The following CD226 variants were observed in gnomAD, a reference collection of about 807,000 sequenced individuals.
CD226 encodes the protein CD226 molecule.
In CD226, 24 loss-of-function variants were observed where a neutral mutation model predicts 34.9. The ratio of observed to expected loss-of-function variants is 0.69; its 90% CI spans 0.50 to 0.97. CD226 has a LOEUF of 0.97. Among genes scored for constraint, CD226 ranks in the 50% least tolerant of loss-of-function variants. The pLI is 0.00. For missense variants in CD226, 397 were observed against 412.7 expected (o/e 0.96, Z 0.33); for synonymous variants, 148 against 147.4 (o/e 1.00, Z -0.03).
chr18:69,890,492 TAA>T (rs1984829452), intron 3 of CD226, among the ~76,000 whole-genome samples: 1 of 152,096 alleles, frequency 6.6e-6, no homozygotes, highest in African/African-American at 2.4e-5. Context: ...AGATGGAAGT[TAA>T]TAAGTCACTC....
intron 2 of CD226, among the ~76,000 whole-genome samples, chr18:69,904,883 G>C (rs1010527336): frequency 2.6e-5 from 4 of 152,206 alleles, no homozygotes; most frequent in African/African-American, 4.8e-5. Context: ...GACATCAAGA[G>C]ATTAACACCA....
In CD226 at chr18:69,913,557, A is replaced by T. The variant is rs570451416; in HGVS notation, c.383-17512T>A. The stretch of plus-strand genomic sequence containing the variant: ...TATGCATTACATGTGAACATTATTT[A>T]AAAAAAATAGATCATCTTAGAGCAA... On this transcript the variant is annotated intron_variant, in intron 2 of 5. Coordinates refer to ENST00000582621, the MANE Select transcript of CD226 (RefSeq NM_001303618.2). Among the ~76,000 whole-genome samples the T allele has an allele frequency of 2.3e-3, 348 of 149,838 alleles. 1 individual carries two copies. Among genetic ancestry groups the T allele is most frequent in the African/African-American group, 8.5e-3 (333 of 39,332 alleles).
intron 2 of CD226, among the ~76,000 whole-genome samples, chr18:69,901,570 T>C (rs2055183396): frequency 6.6e-6 from 1 of 152,126 alleles, no homozygotes; most frequent in South Asian, 2.1e-4. Context: ...GAAACTTCCA[T>C]TAAAAAAGCT....
chr18:69,915,835 T>A (rs2055379213), intron 2 of CD226, among the ~76,000 whole-genome samples: 1 of 152,156 alleles, frequency 6.6e-6, no homozygotes, highest in Non-Finnish European at 1.5e-5. Flanking sequence ...TGTCTTGGAA[T>A]TACATTTTTC....
At chr18:69,901,584 A>T (rs900288991) in intron 2 of CD226, among the ~76,000 whole-genome samples, 1 of 151,872 alleles carries the variant, frequency 6.6e-6, no homozygotes, top group Non-Finnish European at 1.5e-5. Context: ...AAAAGCTTTA[A>T]AAGTATTTAT....
At chr18:69,900,679 C>A (rs2055168333) in intron 2 of CD226, among the ~76,000 whole-genome samples, 1 of 147,062 alleles carries the variant, frequency 6.8e-6, no homozygotes, top group Non-Finnish European at 1.5e-5. Flanking sequence ...TTGCAGTGAG[C>A]CGAGATTGCG....
chr18:69,868,130 T>A (rs1410016195), intron 4 of CD226, among the ~76,000 whole-genome samples: 1 of 152,136 alleles, frequency 6.6e-6, no homozygotes, highest in Admixed American at 6.5e-5. Context: ...ACCAGGGGAA[T>A]CATAGAAGAG....
intron 2 of CD226, among the ~76,000 whole-genome samples, chr18:69,919,400 C>G (rs2145305501): frequency 6.6e-6 from 1 of 152,196 alleles, no homozygotes; most frequent in East Asian, 1.9e-4. Context: ...AAAATATTGT[C>G]AAAAGAAGTC....
At chr18:69,908,095 G>GACTT in intron 2 of CD226, among the ~76,000 whole-genome samples, 1 of 152,176 alleles carries the variant, frequency 6.6e-6, no homozygotes, top group Non-Finnish European at 1.5e-5. Context: ...TCTCTCCCAG[G>GACTT]ACTTACCCAC....
chr18:69,891,066 G>GA lies in CD226; in HGVS notation c.727+4634dup, dbSNP rs1030341283. 2.1e-5 allele frequency among the ~76,000 whole-genome samples: 3 copies of GA among 142,676 alleles called. No homozygotes were observed. The East Asian group carries it at 6.1e-4, about 29-fold the overall frequency. The allele number at this position is 142,676 out of a possible 152,430, so 93.6% of individuals were successfully genotyped here. ...GCTGACATCCCTAATGAACACAGAT[G>GA]AAAAAATCCTCAACAAAATACTAGC... On this transcript the variant is annotated intron_variant, in intron 3 of 5. Transcript: ENST00000582621.
In CD226 at chr18:69,893,507, T is replaced by A. The variant is rs1290286411; in HGVS notation, c.727+2194A>T. ...CATATAATGGGCAAAATCTTATACG[T>A]GTTTGAAAATGATTCTTTATGACAC... is the stretch of plus-strand genomic sequence containing the variant. On this transcript the variant is annotated intron_variant, in intron 3 of 5. Coordinates refer to ENST00000582621, the MANE Select transcript of CD226 (RefSeq NM_001303618.2). Among the ~76,000 whole-genome samples the A allele has an allele frequency of 2.0e-5, 3 of 152,246 alleles. No individual in the cohort carries two copies. In the East Asian group the frequency reaches 5.8e-4, roughly 29 times the overall value.
At chr18:69,911,410 A>G (rs1481594218) in intron 2 of CD226, among the ~76,000 whole-genome samples, 2 of 152,362 alleles carry the variant, frequency 1.3e-5, no homozygotes, top group East Asian at 3.9e-4. Flanking sequence ...AGCCCTGGGA[A>G]CTGCCTTCTT....
At chr18:69,872,830 C>T (rs1025177038) in intron 4 of CD226, among the ~76,000 whole-genome samples, 8 of 152,154 alleles carry the variant, frequency 5.3e-5, no homozygotes, top group South Asian at 2.1e-4. Flanking sequence ...ATCCATCTCG[C>T]GCTGTGTCAT....
At chr18:69,950,363 T>C (rs971914995), upstream of CD226, among the ~76,000 whole-genome samples, 1 of 152,192 alleles carries the variant, frequency 6.6e-6, no homozygotes, top group East Asian at 1.9e-4. Flanking sequence ...AAAAACTTTT[T>C]CATGCCCCCA....
At chr18:69,924,176 T>C (rs2055491476) in intron 2 of CD226, among the ~76,000 whole-genome samples, 2 of 150,872 alleles carry the variant, frequency 1.3e-5, no homozygotes, top group South Asian at 2.1e-4. Flanking sequence ...ATGAGACAGA[T>C]GGAAAAATTA....
intron 2 of CD226, among the ~76,000 whole-genome samples, chr18:69,944,895 A>G (rs1325254742): frequency 2.0e-5 from 3 of 152,260 alleles, no homozygotes; most frequent in Non-Finnish European, 4.4e-5. Context: ...AGCCTCAGCT[A>G]TATACACAAA....
intron 3 of CD226, among the ~76,000 whole-genome samples, chr18:69,894,008 C>T (rs545155962): frequency 1.3e-5 from 2 of 151,788 alleles, no homozygotes; most frequent in African/African-American, 2.4e-5. Flanking sequence ...GTTGGCTCTA[C>T]AAGTCTAACA....
At chr18:69,914,140 T>G (rs925464776) in intron 2 of CD226, among the ~76,000 whole-genome samples, 1 of 152,244 alleles carries the variant, frequency 6.6e-6, no homozygotes. Context: ...GGCTTGTATG[T>G]ATTATGTCAG....
chr18:69,931,170 G>A (rs1880356504), intron 2 of CD226, among the ~76,000 whole-genome samples: 2 of 152,030 alleles, frequency 1.3e-5, no homozygotes, highest in Admixed American at 1.3e-4. Context: ...CTCATAGGTG[G>A]GAATTGAACA....
Sources: gnomAD v4.1 joint callset for allele counts (sites outside exome capture counted in the v4.1 genomes callset) on GRCh38, gnomAD v4.1.1 for gene constraint, MANE v1.5 for transcripts, NCBI Gene and HGNC (gene_info 2026-07-23, HGNC 2026-07-21) for gene names.